KCNH1: variants seen among roughly 807,000 people sequenced by gnomAD.
KCNH1 encodes voltage-gated delayed rectifier potassium channel KCNH1.
Under a neutral mutation model 69.2 loss-of-function variants are expected in KCNH1, and 27 were observed. That is an observed-to-expected ratio of 0.39 (90% CI 0.29 to 0.54). KCNH1 has a LOEUF of 0.54. Ranked by LOEUF, KCNH1 falls within the 20% of genes least tolerant of loss-of-function variation. KCNH1 has a pLI of 0.68. For missense variants in KCNH1, 798 were observed against 1,261.6 expected (o/e 0.63, Z 5.57); for synonymous variants, 456 against 487.7 (o/e 0.93, Z 0.86).
At chr1:210,718,299 T>A in intron 10 of KCNH1, among the ~76,000 whole-genome samples, 1 of 133,886 alleles carries the variant, frequency 7.5e-6, no homozygotes, top group Non-Finnish European at 1.5e-5. Flanking sequence ...TGTATATAAA[T>A]ATATGTATAT....
chr1:210,963,015 T>C (rs1404275728), intron 6 of KCNH1, among the ~76,000 whole-genome samples: 3 of 151,778 alleles, frequency 2.0e-5, no homozygotes, highest in Non-Finnish European at 4.4e-5. Context: ...TTCTTTGCCA[T>C]TTTCTTATTG....
In KCNH1 at chr1:210,686,134, A is replaced by T. The variant is rs185143151; in HGVS notation, c.2113-1996T>A. Among the ~76,000 whole-genome samples, 541 of 152,304 alleles carry T rather than the reference A, an allele frequency of 3.6e-3. 9 individuals are homozygous for T. Among genetic ancestry groups the T allele is most frequent in the African/African-American group, 0.013 (524 of 41,566 alleles). The stretch of plus-strand genomic sequence containing the variant: ...ATAGTCTGCCTTGCAGATCCAAGAA[A>T]TGGGACTCAGGAGAATCCTGTCCAC... On this transcript the variant is annotated intron_variant, in intron 10 of 10. Coordinates refer to ENST00000271751, the MANE Select transcript of KCNH1 (RefSeq NM_172362.3).
intron 7 of KCNH1, among the ~76,000 whole-genome samples, chr1:210,918,168 T>G (rs2102559369): frequency 6.6e-6 from 1 of 152,292 alleles, no homozygotes; most frequent in South Asian, 2.1e-4. Context: ...TGTGACAATT[T>G]GAGGTAACAA....
At chr1:211,076,513 G>A (rs1040164603) in intron 5 of KCNH1, among the ~76,000 whole-genome samples, 6 of 152,212 alleles carry the variant, frequency 3.9e-5, no homozygotes, top group Non-Finnish European at 7.3e-5. Context: ...TGCAGCTGAG[G>A]GACCTGACTG....
At chr1:211,103,409 A>G in intron 3 of KCNH1, 87 bp downstream of exon 3, 9 of 851,922 alleles carry the variant, frequency 1.1e-5, no homozygotes, top group Non-Finnish European at 1.7e-5. Flanking sequence ...GGGAGAGAAG[A>G]AAAACCAAGA....
At chr1:210,750,723 G>C (rs765252606) in intron 10 of KCNH1, among the ~76,000 whole-genome samples, 1 of 152,086 alleles carries the variant, frequency 6.6e-6, no homozygotes, top group Non-Finnish European at 1.5e-5. Flanking sequence ...GGCAGGGAAT[G>C]AGCCAATGTA....
chr1:210,996,553 A>AG (rs1689044750), intron 6 of KCNH1, among the ~76,000 whole-genome samples: 1 of 152,224 alleles, frequency 6.6e-6, no homozygotes, highest in African/African-American at 2.4e-5. Context: ...CTCCACCTCT[A>AG]GGGGCAGGGC....
At chr1:210,786,999 A>C (rs1684117152) in intron 9 of KCNH1, among the ~76,000 whole-genome samples, 1 of 152,114 alleles carries the variant, frequency 6.6e-6, no homozygotes, top group South Asian at 2.1e-4. Flanking sequence ...CACAGCTGCC[A>C]GGATGATTTT....
intron 6 of KCNH1, among the ~76,000 whole-genome samples, chr1:210,922,918 C>A (rs1687495734): frequency 6.6e-6 from 1 of 152,224 alleles, no homozygotes; most frequent in African/African-American, 2.4e-5. Flanking sequence ...TCCCTGAAAT[C>A]ATCTTTCAAA....
At chr1:210,731,727 G>A (rs188981886) in intron 10 of KCNH1, among the ~76,000 whole-genome samples, 37 of 152,254 alleles carry the variant, frequency 2.4e-4, no homozygotes, top group East Asian at 2.3e-3. Flanking sequence ...GGGAGTCTCC[G>A]ATAGAGTTCC....
Position 210,797,694 on chromosome 1 carries a change from T to C in KCNH1, c.1729A>G (p.Lys577Glu), listed in dbSNP as rs1684345517. 1.9e-6 allele frequency: 3 copies of C among 1,614,120 alleles called. No homozygotes were observed. The highest frequency in any genetic ancestry group is 2.5e-6 in the Non-Finnish European group (3 of 1,180,048). ...GCCAGCCGGAAGGCCGGGTGCTCCT[T>C]GAACACCTTGCGGTTCAGGTGCACG... ...ICVHLNRKVF[K>E]EHPAFRLASD... Residue 577 changes from lysine (K) to glutamate (E), a missense_variant, in exon 9 of 11, where the codon AAG becomes GAG. Transcript: ENST00000271751.
intron 10 of KCNH1, among the ~76,000 whole-genome samples, chr1:210,717,082 A>G (rs1357607201): frequency 6.6e-6 from 1 of 152,162 alleles, no homozygotes; most frequent in Non-Finnish European, 1.5e-5. Flanking sequence ...TTAGCTTTAC[A>G]AGTAGCCCTT....
At chr1:210,994,733 TCTAC>T (rs1220162216) in intron 6 of KCNH1, among the ~76,000 whole-genome samples, 1 of 152,210 alleles carries the variant, frequency 6.6e-6, no homozygotes. Context: ...AAATCTGGCT[TCTAC>T]CTAACTTTTC....
intron 7 of KCNH1, among the ~76,000 whole-genome samples, chr1:210,864,590 A>G (rs1686063972): frequency 6.6e-6 from 1 of 152,214 alleles, no homozygotes; most frequent in South Asian, 2.1e-4. Flanking sequence ...TAGTGCCCAA[A>G]TCCTACCTCT....
chr1:210,993,208 A>G (rs933975178), intron 6 of KCNH1, among the ~76,000 whole-genome samples: 1 of 152,226 alleles, frequency 6.6e-6, no homozygotes, highest in African/African-American at 2.4e-5. Flanking sequence ...AACAAATAAC[A>G]TGTCATTAAA....
At chr1:210,745,697 G>T (rs989632640) in intron 10 of KCNH1, among the ~76,000 whole-genome samples, 2 of 143,234 alleles carry the variant, frequency 1.4e-5, no homozygotes, top group South Asian at 2.5e-4. Context: ...GCTCCCACCC[G>T]CCCCCAAGCA....
intron 9 of KCNH1, among the ~76,000 whole-genome samples, chr1:210,792,830 T>A (rs1229962284): frequency 6.6e-6 from 1 of 152,102 alleles, no homozygotes; most frequent in East Asian, 1.9e-4. Context: ...ATATCGTACT[T>A]ATAAGATAGA....
intron 7 of KCNH1, among the ~76,000 whole-genome samples, chr1:210,903,122 T>C (rs1254959007): frequency 6.6e-6 from 1 of 151,598 alleles, no homozygotes; most frequent in Non-Finnish European, 1.5e-5. Context: ...TCTTTTTTTT[T>C]CATCTGGCTA....
At chr1:210,907,067 A>G (rs949022946) in intron 7 of KCNH1, among the ~76,000 whole-genome samples, 7 of 152,228 alleles carry the variant, frequency 4.6e-5, no homozygotes, top group African/African-American at 1.7e-4. Flanking sequence ...TTTCTTGCAA[A>G]TTATGTATCT....
Sources: gnomAD v4.1 joint callset for allele counts (sites outside exome capture counted in the v4.1 genomes callset) on GRCh38, gnomAD v4.1.1 for gene constraint, MANE v1.5 for transcripts, NCBI Gene and HGNC (gene_info 2026-07-23, HGNC 2026-07-21) for gene names.